Variants in HIF3A observed in about 807,000 individuals in gnomAD.
HIF3A encodes the protein hypoxia-inducible factor 3-alpha.
In HIF3A, 41 loss-of-function variants were observed where a neutral mutation model predicts 67.2. That is an observed-to-expected ratio of 0.61 (90% CI 0.48 to 0.79). HIF3A has a LOEUF of 0.79. HIF3A is among the 30% of genes least tolerant of loss of function. The probability of loss-of-function intolerance (pLI) is 0.00; values close to 1 mark genes in which losing one functional copy is unlikely to be tolerated. For synonymous variants in HIF3A, 356 were observed against 374.8 expected (o/e 0.95, Z 0.58); for missense variants, 855 against 898.0 (o/e 0.95, Z 0.61).
At chr19:46,303,466 A>AG in intron 1 of HIF3A, 1 of 621,348 alleles carries the variant, frequency 1.6e-6, no homozygotes, top group Non-Finnish European at 2.8e-6. Flanking sequence ...ACTGCAGGGC[A>AG]GGGGGCCTGG....
chr19:46,311,590 C>T (rs1161012561), intron 6 of HIF3A, among the ~76,000 whole-genome samples: 2 of 152,070 alleles, frequency 1.3e-5, no homozygotes, highest in Non-Finnish European at 2.9e-5. Context: ...GCAGGCCGGG[C>T]GAGGTGGCTA....
chr19:46,308,926 A>G, intron 5 of HIF3A, 151 bp downstream of exon 5: 2 of 670,594 alleles, frequency 3.0e-6, no homozygotes, highest in South Asian at 3.9e-5. Context: ...CAGGGCATCG[A>G]GGAGCATGGG....
At chr19:46,300,980 GT>G (rs1306928262) in intron 1 of HIF3A, among the ~76,000 whole-genome samples, 12 of 151,918 alleles carry the variant, frequency 7.9e-5, no homozygotes, top group Non-Finnish European at 1.6e-4. Flanking sequence ...CCCACTCCCT[GT>G]TCCCTGTCGG....
At chr19:46,305,046 C>T (rs975460859) in intron 2 of HIF3A, 199 bp from the exon 3 acceptor site, 1 of 745,108 alleles carries the variant, frequency 1.3e-6, no homozygotes, top group African/African-American at 1.7e-5. Flanking sequence ...CCTGGGAGGC[C>T]CTGCTTCTAA....
chr19:46,298,348 T>G (rs1968027877), intron 1 of HIF3A: 3 of 1,279,580 alleles, frequency 2.3e-6, no homozygotes. Flanking sequence ...GGGCCCCTCT[T>G]GGCTGAGCTC....
chr19:46,298,318 G>C, intron 1 of HIF3A: 2 of 1,089,882 alleles, frequency 1.8e-6, no homozygotes, highest in Non-Finnish European at 2.4e-6. Context: ...CCCTCTCAGC[G>C]CCCCCTCCTG....
chr19:46,304,185 T>A, intron 2 of HIF3A, 97 bp downstream of exon 2: 1 of 1,117,046 alleles, frequency 9.0e-7, no homozygotes, highest in East Asian at 2.6e-5. Context: ...AGCCTTATTC[T>A]GACAAAGCCC....
chr19:46,332,404 G>A (rs1971297925), intron 13 of HIF3A, among the ~76,000 whole-genome samples: 1 of 152,124 alleles, frequency 6.6e-6, no homozygotes, highest in African/African-American at 2.4e-5. Flanking sequence ...AGCGGGTGTG[G>A]TGGCATGTGC....
intron 3 of HIF3A, among the ~76,000 whole-genome samples, chr19:46,306,098 T>C (rs1968826220): frequency 6.6e-6 from 1 of 151,910 alleles, no homozygotes; most frequent in African/African-American, 2.4e-5. Context: ...AACAAAAAAA[T>C]AATAAAAAGT....
At chr19:46,301,450 A>G (rs7252284) in intron 1 of HIF3A, among the ~76,000 whole-genome samples, 131,987 of 152,162 alleles carry the variant, frequency 0.87, 57,534 homozygotes, top group Non-Finnish European at 0.91. Context: ...ATCCCAGCTC[A>G]GCCAGTTGTT....
intron 1 of HIF3A, 91 bp from the exon 2 acceptor site, chr19:46,303,807 C>T: frequency 6.6e-7 from 1 of 1,517,354 alleles, no homozygotes; most frequent in Admixed American, 2.0e-5. Context: ...TCCACGAGCC[C>T]CGGCCCCACG....
At position 46,325,582 on chromosome 19, in the gene HIF3A, AC is replaced by A. The variant is rs753216480; in HGVS notation, c.1384del (p.Leu462SerfsTer15). ...LPVGTENVHR[L>X]FTSGKDTEAV... ...CTGTGGGCACCGAGAATGTGCACAG[AC>A]TCTTCACCTCCGGGAAAGACACTGA... is the stretch of plus-strand genomic sequence containing the variant. On this transcript the variant is annotated frameshift_variant, in exon 11 of 15. Coordinates refer to ENST00000377670, the MANE Select transcript of HIF3A (RefSeq NM_152795.4). LOFTEE classifies it high-confidence loss of function. 2.5e-6 allele frequency: 4 copies of A among 1,613,278 alleles called. No individual in the cohort carries two copies. Among genetic ancestry groups the A allele is most frequent in the Non-Finnish European group, 3.4e-6 (4 of 1,179,836 alleles).
chr19:46,309,496 CCTGT>C, intron 6 of HIF3A, 137 bp downstream of exon 6: 1 of 616,696 alleles, frequency 1.6e-6, no homozygotes, highest in African/African-American at 1.9e-5. Flanking sequence ...TGTGTGCCTG[CCTGT>C]CTCTGAATTT....
At chr19:46,335,524 C>T (rs1971547924) in intron 14 of HIF3A, among the ~76,000 whole-genome samples, 1 of 152,108 alleles carries the variant, frequency 6.6e-6, no homozygotes, top group African/African-American at 2.4e-5. Flanking sequence ...CCTGCCTTGA[C>T]CTCTCAATGT....
intron 3 of HIF3A, among the ~76,000 whole-genome samples, chr19:46,306,118 T>C (rs1450409615): frequency 2.0e-5 from 3 of 152,060 alleles, no homozygotes; most frequent in African/African-American, 4.8e-5. Flanking sequence ...TTTATCCTCC[T>C]AGGTGCAGAG....
In HIF3A at chr19:46,314,865, A is replaced by T. The variant is rs116564189; in HGVS notation, c.1025+2212A>T. Among the ~76,000 whole-genome samples, 213 of 145,830 alleles carry T rather than the reference A, an allele frequency of 1.5e-3. 19 individuals are homozygous for T. Among genetic ancestry groups the T allele is most frequent in the African/African-American group, 4.6e-3 (187 of 40,298 alleles). On this transcript the variant is annotated intron_variant, in intron 8 of 14. Transcript: ENST00000377670. ...TGAGCCACCACACCCGGCCATTACC[A>T]CGATTTTTTACACAAAAATATTCTC...
At position 46,312,270 on chromosome 19, in the gene HIF3A, A is replaced by G; in HGVS notation, c.877+3A>G. ...GGTCAGCAAGAGCATCCACACCTGTATGTATCCCATTTCCCCAGGTGCGAA... is the reference window on the plus strand; with the variant it reads ...GGTCAGCAAGAGCATCCACACCTGTGTGTATCCCATTTCCCCAGGTGCGAA... On this transcript the variant is annotated splice_donor_region_variant and intron_variant, in intron 7 of 14. Transcript: ENST00000377670. 6 of 1,613,866 alleles carry G rather than the reference A, an allele frequency of 3.7e-6. No homozygotes were observed. Among genetic ancestry groups the G allele is most frequent in the Non-Finnish European group, 5.1e-6 (6 of 1,179,932 alleles).
chr19:46,312,566 A>C lies in HIF3A; in HGVS notation c.938A>C (p.Tyr313Ser). 3.1e-6 allele frequency: 5 copies of C among 1,612,856 alleles called. No homozygotes were observed. Among genetic ancestry groups the C allele is most frequent in the Non-Finnish European group, 4.2e-6 (5 of 1,179,508 alleles). The change falls in exon 8 of 15, where the codon TAC (tyrosine) becomes TCC (serine). Residue 313 changes from tyrosine (Y) to serine (S), a missense_variant. By Grantham distance (144) the Tyr-to-Ser change is moderately radical. This residue lies in a region of HIF3A where 638 missense variants were observed against 660.5 expected (regional missense o/e 0.97). Coordinates refer to ENST00000377670, the MANE Select transcript of HIF3A (RefSeq NM_152795.4). ...QYRFLARSGGYLWTQTQATVV... is the reference protein window; with the variant it reads ...QYRFLARSGGSLWTQTQATVV... Reference sequence around the variant, plus strand: ...CGCTTCCTGGCCCGGAGTGGTGGCTACCTGTGGACCCAGACCCAGGCCACA... The same window carrying C: ...CGCTTCCTGGCCCGGAGTGGTGGCTCCCTGTGGACCCAGACCCAGGCCACA...
rs550210080 is a variant in HIF3A, at chr19:46,323,791, G to A, written c.1336-1744G>A. ...TACATGGCGGCAGGCAAGAGAGAAC[G>A]AAAACCAAGCGAAAGGGGTTTCCCC... On this transcript the variant is annotated intron_variant, in intron 10 of 14. Coordinates refer to ENST00000377670, the MANE Select transcript of HIF3A (RefSeq NM_152795.4). Among the ~76,000 whole-genome samples the A allele has an allele frequency of 3.9e-5, 6 of 152,244 alleles. No homozygotes were observed. In the East Asian group the frequency reaches 5.8e-4, roughly 15 times the overall value.
Sources: allele counts gnomAD v4.1 joint callset (sites outside exome capture counted in the v4.1 genomes callset), GRCh38; gene constraint gnomAD v4.1.1; regional missense constraint gnomAD v4.1.1; transcripts MANE v1.5; gene names NCBI Gene and HGNC (gene_info 2026-07-23, HGNC 2026-07-21).